The following GCNT2 variants were observed in gnomAD, a reference collection of about 807,000 sequenced individuals.
GCNT2 encodes glucosaminyl (N-acetyl) transferase 2 (I blood group).
A neutral mutation model predicts 34.2 loss-of-function variants in GCNT2; 34 were observed. The ratio of observed to expected loss-of-function variants is 1.00; its 90% CI spans 0.76 to 1.32. The LOEUF (loss-of-function observed/expected upper bound fraction) is 1.32. Ranked by LOEUF, GCNT2 falls within the 40% of genes most tolerant of loss-of-function variation. The pLI is 0.00. For synonymous variants in GCNT2, 212 were observed against 188.0 expected, an observed-to-expected ratio of 1.13 and a Z score of -1.04; for missense variants, 584 against 489.4, an observed-to-expected ratio of 1.19 and a Z score of -1.82.
chr6:10,607,962 C>T (rs1002297446), intron 3 of GCNT2, among the ~76,000 whole-genome samples: 3 of 151,892 alleles, frequency 2.0e-5, no homozygotes, highest in East Asian at 1.9e-4. Flanking sequence ...TGCTTAGGTT[C>T]GAGAACTTGC....
chr6:10,594,186 A>G (rs1442756942), intron 3 of GCNT2, among the ~76,000 whole-genome samples: 4 of 152,196 alleles, frequency 2.6e-5, no homozygotes, highest in Non-Finnish European at 4.4e-5. Flanking sequence ...TGCATTTCTA[A>G]CAGTTTCCTG....
At chr6:10,585,709 C>T (rs1026424984) in intron 3 of GCNT2, 18 of 1,242,056 alleles carry the variant, frequency 1.4e-5, no homozygotes, top group African/African-American at 3.1e-5. Flanking sequence ...CTGGACTGGG[C>T]TGGGCTTAGC....
intron 1 of GCNT2, among the ~76,000 whole-genome samples, chr6:10,524,288 T>C (rs987910925): frequency 2.0e-5 from 3 of 151,422 alleles, no homozygotes; most frequent in Non-Finnish European, 2.9e-5. Context: ...TTCGCTCTTG[T>C]TGCCTGGGCT....
chr6:10,565,107 G>A (rs573982968), intron 3 of GCNT2, among the ~76,000 whole-genome samples: 1 of 152,318 alleles, frequency 6.6e-6, no homozygotes, highest in South Asian at 2.1e-4. Context: ...AATAGGGATC[G>A]CAAAGGTCGT....
chr6:10,604,389 G>A (rs748957469), intron 3 of GCNT2, among the ~76,000 whole-genome samples: 24 of 152,168 alleles, frequency 1.6e-4, no homozygotes, highest in Non-Finnish European at 2.8e-4. Context: ...ATGCCAAAAT[G>A]CTAACACTAG....
chr6:10,625,894 A>G (rs1766234861), intron 4 of GCNT2, among the ~76,000 whole-genome samples: 1 of 152,234 alleles, frequency 6.6e-6, no homozygotes, highest in Non-Finnish European at 1.5e-5. Flanking sequence ...AAAATAGAAC[A>G]ATTATAACAA....
chr6:10,524,280 C>A (rs1457890754), intron 1 of GCNT2, among the ~76,000 whole-genome samples: 2 of 141,694 alleles, frequency 1.4e-5, no homozygotes, highest in Non-Finnish European at 3.0e-5. Flanking sequence ...GACGGAGTTT[C>A]GCTCTTGTTG....
chr6:10,556,295 C>T, intron 3 of GCNT2: 1 of 1,527,990 alleles, frequency 6.5e-7, no homozygotes, highest in Non-Finnish European at 8.7e-7. Flanking sequence ...GGAATCGATT[C>T]CCAGCGTCTC....
At chr6:10,623,439 C>G (rs1213708794) in intron 4 of GCNT2, among the ~76,000 whole-genome samples, 2 of 151,378 alleles carry the variant, frequency 1.3e-5, no homozygotes, top group African/African-American at 4.9e-5. Context: ...TTACAGGCAC[C>G]CACCACCACA....
chr6:10,528,248 A>G lies in GCNT2; in HGVS notation c.-281-383A>G, dbSNP rs559456128. 1.9e-5 allele frequency: 3 copies of G among 154,144 alleles called. No homozygotes were observed. The South Asian group carries it at 6.0e-4, about 31-fold the overall frequency. The allele number at this position is 154,144 out of a possible 1,614,324, so 9.5% of individuals were successfully genotyped here. A position where few individuals can be genotyped will look rare whatever the true frequency, so the allele number is the denominator to read the frequency against. On this transcript the variant is annotated intron_variant, in intron 2 of 4. Coordinates refer to ENST00000495262, the MANE Select transcript of GCNT2 (RefSeq NM_145649.5). ...AAAGAATTTAGCCCAGTAGCCAGTC[A>G]TATGCCATGTCGTATAGCATACCCA...
At chr6:10,596,568 A>G (rs1764861640) in intron 3 of GCNT2, among the ~76,000 whole-genome samples, 1 of 151,898 alleles carries the variant, frequency 6.6e-6, no homozygotes, top group South Asian at 2.1e-4. Flanking sequence ...TTTCTGGAGG[A>G]AAAATGGGAA....
rs150219889 is a variant in GCNT2 at position 10,618,060 on chromosome 6, C to A, written c.926-3291C>A. 1.1e-4 allele frequency among the ~76,000 whole-genome samples: 16 copies of A among 152,142 alleles called. No individual in the cohort carries two copies. The East Asian group carries it at 3.1e-3, about 29-fold the overall frequency. On this transcript the variant is annotated intron_variant, in intron 3 of 4. Transcript: ENST00000495262. ...GTGAGCCACCACGCCTGGCCAGATTCTGCATTTCTAACAAGCTTCCAGGTG... is the reference window on the plus strand; with the variant it reads ...GTGAGCCACCACGCCTGGCCAGATTATGCATTTCTAACAAGCTTCCAGGTG...
At chr6:10,580,687 G>A (rs1215059339) in intron 3 of GCNT2, among the ~76,000 whole-genome samples, 2 of 152,030 alleles carry the variant, frequency 1.3e-5, no homozygotes, top group African/African-American at 4.8e-5. Flanking sequence ...TTGAGAGTAG[G>A]TCCGACTCGG....
rs541920509 is a variant in GCNT2 at position 10,556,600 on chromosome 6, G to A, written c.925+26764G>A. The A allele has an allele frequency of 3.1e-6, 5 of 1,614,192 alleles. No homozygotes were observed. In the South Asian group the frequency reaches 5.5e-5, roughly 18 times the overall value. On this transcript the variant is annotated intron_variant, in intron 3 of 4. Transcript: ENST00000495262. ...TTATCAATGGAAAAACACGTTTCCT[G>A]TGGAAAAACAAACTAATGATCCATG... is the stretch of plus-strand genomic sequence containing the variant.
chr6:10,592,095 A>AAACGTCACCAGGACG (rs145048339), intron 3 of GCNT2, among the ~76,000 whole-genome samples: 16,653 of 152,080 alleles, frequency 0.11, 1,094 homozygotes, highest in Middle Eastern at 0.17. Context: ...ATGTCTTAAC[A>AAACGTCACCAGGACG]AACGTCACCA....
chr6:10,558,943 A>C (rs1331108050), intron 3 of GCNT2, among the ~76,000 whole-genome samples: 2 of 152,194 alleles, frequency 1.3e-5, no homozygotes, highest in African/African-American at 4.8e-5. Flanking sequence ...TTCATATTTA[A>C]ATATTTATTC....
chr6:10,609,704 C>T (rs1765470510), intron 3 of GCNT2, among the ~76,000 whole-genome samples: 1 of 152,048 alleles, frequency 6.6e-6, no homozygotes, highest in Non-Finnish European at 1.5e-5. Context: ...TGGTTAGTGA[C>T]AGTATGAAGC....
chr6:10,605,306 C>T (rs1459579906), intron 3 of GCNT2, among the ~76,000 whole-genome samples: 1 of 148,092 alleles, frequency 6.8e-6, no homozygotes, highest in African/African-American at 2.5e-5. Context: ...ACCTCTGCCT[C>T]CCAGGCTCAA....
intron 3 of GCNT2, among the ~76,000 whole-genome samples, chr6:10,552,739 A>G (rs1762536451): frequency 6.6e-6 from 1 of 152,210 alleles, no homozygotes; most frequent in African/African-American, 2.4e-5. Context: ...TACGCTGTCC[A>G]AAATGAATTG....
Sources: allele counts gnomAD v4.1 joint callset (sites outside exome capture counted in the v4.1 genomes callset), GRCh38; gene constraint gnomAD v4.1.1; transcripts MANE v1.5; gene names NCBI Gene and HGNC (gene_info 2026-07-23, HGNC 2026-07-21).